The following IP6K2 variants were observed in gnomAD, a reference collection of about 807,000 sequenced individuals.
The protein encoded by IP6K2 is inositol hexakisphosphate kinase 2, also known as ATP:1D-myo-inositol-hexakisphosphate phosphotransferase.
In IP6K2, 9 loss-of-function variants were observed where a neutral mutation model predicts 43.3. The observed-to-expected ratio is 0.21, with a 90% CI of 0.13 to 0.36. IP6K2 has a LOEUF of 0.36. Ranked by LOEUF, IP6K2 falls within the 10% of genes least tolerant of loss-of-function variation. IP6K2 has a pLI of 1.00. For missense variants in IP6K2, 332 were observed against 538.4 expected, an observed-to-expected ratio of 0.62 and a Z score of 3.79; for synonymous variants, 209 against 202.4, an observed-to-expected ratio of 1.03 and a Z score of -0.28.
chr3:48,694,724 G>A (rs1162645816), intron 2 of IP6K2: 3 of 1,507,922 alleles, frequency 2.0e-6, no homozygotes, highest in Non-Finnish European at 2.6e-6. Context: ...TTTCCTGGAG[G>A]ACAAAAAGCA....
intron 1 of IP6K2, among the ~76,000 whole-genome samples, chr3:48,709,255 C>T (rs766348010): frequency 6.6e-6 from 1 of 152,236 alleles, no homozygotes; most frequent in African/African-American, 2.4e-5. Context: ...GCAGGGCATC[C>T]CGGACCTGCC....
rs1400767872 is a variant in IP6K2, at chr3:48,695,554, C to T, written c.-130-133G>A. On this transcript the variant is annotated intron_variant, in intron 1 of 5. Transcript: ENST00000328631. This position sits in a 1 kb window ranked among gnomAD's most constrained non-coding sequence, Gnocchi z 4.6. ...TTCTTGCGGGACTCCGCCCATGCCACCCACCTTGGCCCCCGCCTTCTCCGG... is the reference window on the plus strand; with the variant it reads ...TTCTTGCGGGACTCCGCCCATGCCATCCACCTTGGCCCCCGCCTTCTCCGG... The T allele has an allele frequency of 8.5e-7, 1 of 1,176,742 alleles. No individual in the cohort carries two copies. Among genetic ancestry groups the T allele is most frequent in the Non-Finnish European group, 1.1e-6 (1 of 926,408 alleles). The allele number at this position is 1,176,742 out of a possible 1,614,324, so 72.9% of individuals were successfully genotyped here. A position where few individuals can be genotyped will look rare whatever the true frequency, so the allele number is the denominator to read the frequency against.
intron 1 of IP6K2, among the ~76,000 whole-genome samples, chr3:48,698,365 G>A (rs2078645187): frequency 6.6e-6 from 1 of 152,172 alleles, no homozygotes; most frequent in Non-Finnish European, 1.5e-5. Context: ...CACAATCCAG[G>A]CCAGGTATGG....
intron 1 of IP6K2, chr3:48,715,350 C>G: frequency 6.5e-7 from 1 of 1,536,166 alleles, no homozygotes; most frequent in Non-Finnish European, 8.7e-7. Flanking sequence ...TCAGGCTCAT[C>G]CCTGTTGCCT....
At chr3:48,689,510 C>G in intron 5 of IP6K2, 28 bp downstream of exon 5, 3 of 1,592,918 alleles carry the variant, frequency 1.9e-6, no homozygotes, top group Non-Finnish European at 2.6e-6. Flanking sequence ...CCACTGGATG[C>G]CCTAGCCAGC....
intron 2 of IP6K2, chr3:48,694,660 A>G: frequency 6.6e-7 from 1 of 1,507,630 alleles, no homozygotes; most frequent in South Asian, 1.3e-5. Flanking sequence ...CCACTCCTGC[A>G]TTCCATCTGA....
At chr3:48,691,985 A>C (rs1350928632) in intron 3 of IP6K2, among the ~76,000 whole-genome samples, 3 of 152,014 alleles carry the variant, frequency 2.0e-5, no homozygotes, top group Non-Finnish European at 2.9e-5. Context: ...GGCGCATGCC[A>C]CCACACCGGG....
intron 1 of IP6K2, among the ~76,000 whole-genome samples, chr3:48,707,371 G>A (rs2079920876): frequency 1.3e-5 from 2 of 152,072 alleles, no homozygotes; most frequent in Non-Finnish European, 2.9e-5. Flanking sequence ...ACCACAACAC[G>A]CACTGTCCTT....
chr3:48,695,251 G>A lies in IP6K2; in HGVS notation c.41C>T (p.Ala14Val), dbSNP rs146702068. The change falls in exon 2 of 6, where the codon GCC becomes GTC. Residue 14 changes from alanine (A) to valine (V), a missense_variant. Transcript: ENST00000328631. This position sits in a 1 kb window ranked among gnomAD's most constrained non-coding sequence, Gnocchi z 4.6. ...AAAGGGCTCCAGAAGGACGCCTTTG[G>A]CGCGGGGCTCCACATCCATGGCCCT... The part of the protein sequence containing the change: ...AFRAMDVEPR[A>V]KGVLLEPFVH... The A allele has an allele frequency of 2.5e-6, 4 of 1,582,412 alleles. No homozygotes were observed. The highest frequency in any genetic ancestry group is 3.5e-6 in the Non-Finnish European group (4 of 1,159,406).
At position 48,704,582 on chromosome 3, in the gene IP6K2, C is replaced by T. The variant is rs960572147; in HGVS notation, c.-130-9161G>A. ...CACCCAGGCTCAAGTGATCCTCCCA[C>T]CTCAGCTTCCCAAGTTGCTGGGACA... is the stretch of plus-strand genomic sequence containing the variant. On this transcript the variant is annotated intron_variant, in intron 1 of 5. Coordinates refer to ENST00000328631, the MANE Select transcript of IP6K2 (RefSeq NM_016291.4). Among the ~76,000 whole-genome samples the T allele has an allele frequency of 2.6e-5, 4 of 152,018 alleles. No homozygotes were observed. In the South Asian group the frequency reaches 6.2e-4, roughly 24 times the overall value.
intron 2 of IP6K2, chr3:48,694,443 T>G: frequency 6.5e-7 from 1 of 1,548,930 alleles, no homozygotes; most frequent in Non-Finnish European, 8.7e-7. Context: ...AATTAATTTC[T>G]TTAATGGATT....
intron 1 of IP6K2, among the ~76,000 whole-genome samples, chr3:48,696,537 T>C (rs1449089223): frequency 1.3e-5 from 2 of 152,256 alleles, no homozygotes; most frequent in African/African-American, 2.4e-5. Context: ...CACTCAGCCA[T>C]GCACTGGATG....
Position 48,695,148 on chromosome 3 carries a change from T to C in IP6K2, c.144A>G (p.Glu48=), listed in dbSNP as rs750584549. The part of the protein sequence containing the change: ...TTLCKPLVPR[E]HQFYETLPAE... ...CAGGGAGGGTCTCGTAGAACTGATG[T>C]TCCCTTGGGACCAGGGGCTTGCACA... The change falls in exon 2 of 6, where the codon GAA becomes GAG. Residue 48 remains glutamate, a synonymous_variant. Coordinates refer to ENST00000328631, the MANE Select transcript of IP6K2 (RefSeq NM_016291.4). This position sits in a 1 kb window ranked among gnomAD's most constrained non-coding sequence, Gnocchi z 4.6. 1.7e-5 allele frequency: 27 copies of C among 1,610,042 alleles called. 1 individual carries two copies. Among genetic ancestry groups the C allele is most frequent in the Middle Eastern group, 1.6e-4 (1 of 6,076 alleles).
intron 2 of IP6K2, chr3:48,693,747 G>A (rs1307621143): frequency 3.4e-5 from 35 of 1,037,070 alleles, no homozygotes; most frequent in East Asian, 9.1e-5. Context: ...GCCCCCACAC[G>A]GGTAGGCACC....
At chr3:48,689,500 C>A in intron 5 of IP6K2, 38 bp downstream of exon 5, 2 of 1,582,048 alleles carry the variant, frequency 1.3e-6, no homozygotes, top group Non-Finnish European at 1.7e-6. Context: ...GAAGTGACAG[C>A]CACTGGATGC....
chr3:48,693,990 C>G (rs2078024588), intron 2 of IP6K2: 2 of 1,360,460 alleles, frequency 1.5e-6, no homozygotes, highest in Admixed American at 3.7e-5. Context: ...GAGCGCCTTA[C>G]AAACGACTGG....
chr3:48,716,309 G>C (rs1341449657), intron 1 of IP6K2: 1 of 152,138 alleles, frequency 6.6e-6, no homozygotes, highest in African/African-American at 2.4e-5. Context: ...TATTCAAGAT[G>C]ATTTTTTGTT....
At chr3:48,715,524 G>A in intron 1 of IP6K2, 3 of 1,469,222 alleles carry the variant, frequency 2.0e-6, no homozygotes, top group South Asian at 1.2e-5. Flanking sequence ...TGTCACCTAG[G>A]AAGCTTTGAA....
intron 1 of IP6K2, among the ~76,000 whole-genome samples, chr3:48,709,086 C>T (rs1418929301): frequency 1.3e-5 from 2 of 152,198 alleles, no homozygotes; most frequent in East Asian, 1.9e-4. Flanking sequence ...AAAAAAGTAA[C>T]GGTCCATTAG....
Sources: gnomAD v4.1 joint callset for allele counts (sites outside exome capture counted in the v4.1 genomes callset) on GRCh38, gnomAD v4.1.1 for gene constraint, Gnocchi (gnomAD v3.1) non-coding constraint, MANE v1.5 for transcripts, NCBI Gene and HGNC (gene_info 2026-07-23, HGNC 2026-07-21) for gene names.